MTUS2: variants seen among roughly 807,000 people sequenced by gnomAD.
MTUS2 encodes the protein microtubule-associated tumor suppressor candidate 2.
In MTUS2, 40 loss-of-function variants were observed where a neutral mutation model predicts 114.1. The ratio of observed to expected loss-of-function variants is 0.35; its 90% confidence interval spans 0.27 to 0.46. The LOEUF is 0.46. Among genes scored for constraint, MTUS2 ranks in the 20% least tolerant of loss-of-function variants. MTUS2 has a pLI of 1.00. For synonymous variants in MTUS2, 688 were observed against 672.0 expected (o/e 1.02, Z -0.37); for missense variants, 1,679 against 1,705.4 (o/e 0.98, Z 0.27).
rs568051795 is a variant in MTUS2, at chr13:29,071,267, TG to T, written c.2447-29503del. Among the ~76,000 whole-genome samples, 167 of 151,962 alleles carry T rather than the reference TG, an allele frequency of 1.1e-3. 1 individual carries two copies. Among genetic ancestry groups the T allele is most frequent in the African/African-American group, 3.9e-3 (161 of 41,410 alleles). On this transcript the variant is annotated intron_variant, in intron 4 of 15. Coordinates refer to ENST00000612955, the MANE Select transcript of MTUS2 (RefSeq NM_001033602.4). ...CTCCCACCTCAGCCTCCCAAAGTGC[TG>T]GGATTACAGGTGTGAGCCACCGTGC...
intron 1 of MTUS2, among the ~76,000 whole-genome samples, chr13:28,829,215 C>G (rs78747759): frequency 0.033 from 5,012 of 152,190 alleles, 222 homozygotes; most frequent in African/African-American, 0.098. Flanking sequence ...ATCCGCAGCT[C>G]CATTGTAGCC....
At chr13:28,934,142 A>G (rs1350072592) in intron 2 of MTUS2, among the ~76,000 whole-genome samples, 1 of 152,252 alleles carries the variant, frequency 6.6e-6, no homozygotes, top group Non-Finnish European at 1.5e-5. Context: ...AAAATAAAGT[A>G]AATCTATTGT....
At chr13:28,902,677 G>C (rs1016076064) in intron 2 of MTUS2, among the ~76,000 whole-genome samples, 10 of 152,060 alleles carry the variant, frequency 6.6e-5, no homozygotes, top group African/African-American at 1.9e-4. Context: ...ATTAATCCTA[G>C]TGTGTGTAAT....
chr13:29,160,058 G>C (rs542014330), intron 5 of MTUS2, among the ~76,000 whole-genome samples: 1 of 152,300 alleles, frequency 6.6e-6, no homozygotes, highest in African/African-American at 2.4e-5. Context: ...TGCTCACGGA[G>C]GCTTCATTTG....
At chr13:29,305,838 A>C (rs1398397237) in intron 6 of MTUS2, among the ~76,000 whole-genome samples, 7 of 152,208 alleles carry the variant, frequency 4.6e-5, no homozygotes, top group Admixed American at 3.9e-4. Context: ...CAGCAAAAAG[A>C]GAAAACTTCA....
chr13:29,368,552 G>C (rs1278032008), intron 8 of MTUS2, among the ~76,000 whole-genome samples: 1 of 152,110 alleles, frequency 6.6e-6, no homozygotes, highest in Admixed American at 6.5e-5. Context: ...TAAATTCCCT[G>C]ATTGGATCAT....
At chr13:29,119,338 G>A (rs1242495946) in intron 5 of MTUS2, among the ~76,000 whole-genome samples, 1 of 151,986 alleles carries the variant, frequency 6.6e-6, no homozygotes, top group Non-Finnish European at 1.5e-5. Flanking sequence ...GCTGGACCTT[G>A]TGGACACTGC....
intron 8 of MTUS2, among the ~76,000 whole-genome samples, chr13:29,369,850 T>A (rs1593359855): frequency 6.6e-6 from 1 of 152,366 alleles, no homozygotes; most frequent in Non-Finnish European, 1.5e-5. Flanking sequence ...TCTTCTTCAA[T>A]AATATTTCCC....
At chr13:28,822,976 C>T (rs1223378125) in intron 1 of MTUS2, among the ~76,000 whole-genome samples, 1 of 152,178 alleles carries the variant, frequency 6.6e-6, no homozygotes, top group Non-Finnish European at 1.5e-5. Context: ...CTCTTTGCCT[C>T]GTGATCGCAC....
At chr13:29,219,037 A>G (rs1263844031) in intron 5 of MTUS2, among the ~76,000 whole-genome samples, 1 of 149,460 alleles carries the variant, frequency 6.7e-6, no homozygotes, top group Admixed American at 6.7e-5. Flanking sequence ...TTAGTTACAT[A>G]TGTATACATG....
At chr13:29,146,408 T>C (rs890773998) in intron 5 of MTUS2, among the ~76,000 whole-genome samples, 2 of 152,354 alleles carry the variant, frequency 1.3e-5, no homozygotes. Flanking sequence ...AACTATAATT[T>C]AAAACAGAGT....
intron 4 of MTUS2, among the ~76,000 whole-genome samples, chr13:29,094,666 A>G (rs769598480): frequency 1.3e-5 from 2 of 151,560 alleles, no homozygotes; most frequent in African/African-American, 4.8e-5. Flanking sequence ...CTGTTTTTCT[A>G]TTCTCTGTTT....
At chr13:29,273,749 C>G (rs1300654771) in intron 5 of MTUS2, among the ~76,000 whole-genome samples, 1 of 152,182 alleles carries the variant, frequency 6.6e-6, no homozygotes, top group Admixed American at 6.5e-5. Context: ...CTTTCTGTCT[C>G]TCTGTCTATT....
intron 12 of MTUS2, among the ~76,000 whole-genome samples, chr13:29,493,540 C>T (rs915116326): frequency 2.4e-4 from 36 of 152,182 alleles, no homozygotes; most frequent in African/African-American, 7.5e-4. Context: ...TCTGCTTCTT[C>T]GATGGCTCAC....
chr13:29,441,814 TC>T (rs1877900760), intron 9 of MTUS2, among the ~76,000 whole-genome samples: 1 of 152,186 alleles, frequency 6.6e-6, no homozygotes, highest in South Asian at 2.1e-4. Flanking sequence ...GGAGCCATCC[TC>T]CTCGATGACT....
At chr13:28,886,275 T>A (rs1438552826) in intron 2 of MTUS2, among the ~76,000 whole-genome samples, 1 of 152,054 alleles carries the variant, frequency 6.6e-6, no homozygotes. Context: ...TTTGAAAGGA[T>A]CACTCAAGGG....
intron 4 of MTUS2, among the ~76,000 whole-genome samples, chr13:29,072,897 G>A (rs1418158084): frequency 6.6e-6 from 1 of 152,190 alleles, no homozygotes; most frequent in Non-Finnish European, 1.5e-5. Flanking sequence ...TTTATAAGCA[G>A]ATCTGTCCAG....
At chr13:28,940,399 A>AT (rs1882163306) in intron 2 of MTUS2, among the ~76,000 whole-genome samples, 1 of 152,238 alleles carries the variant, frequency 6.6e-6, no homozygotes, top group Non-Finnish European at 1.5e-5. Context: ...TTTATATGGA[A>AT]TATACAAAAT....
intron 5 of MTUS2, among the ~76,000 whole-genome samples, chr13:29,173,964 C>A (rs1280594630): frequency 1.3e-5 from 2 of 152,092 alleles, no homozygotes; most frequent in African/African-American, 4.8e-5. Flanking sequence ...GTGGCATTTT[C>A]CTGTTCTATT....
Sources: gnomAD v4.1 joint callset for allele counts (sites outside exome capture counted in the v4.1 genomes callset) on GRCh38, gnomAD v4.1.1 for gene constraint, MANE v1.5 for transcripts, NCBI Gene and HGNC (gene_info 2026-07-23, HGNC 2026-07-21) for gene names.